Variants in GPC5 observed in about 807,000 individuals in gnomAD.
The protein encoded by GPC5 is glypican 5.
A neutral mutation model predicts 53.9 loss-of-function variants in GPC5; 47 were observed. The ratio of observed to expected loss-of-function variants is 0.87; its 90% CI spans 0.69 to 1.11. The LOEUF (loss-of-function observed/expected upper bound fraction) is 1.11. GPC5 is among the 50% of genes most tolerant of loss of function. The pLI, the probability that GPC5 is intolerant of heterozygous loss-of-function variation, is 0.00. For missense variants in GPC5, 748 were observed against 713.1 expected, an observed-to-expected ratio of 1.05 and a Z score of -0.56; for synonymous variants, 286 against 263.3, an observed-to-expected ratio of 1.09 and a Z score of -0.84.
At chr13:91,913,946 T>C (rs1357453251) in intron 6 of GPC5, among the ~76,000 whole-genome samples, 1 of 152,210 alleles carries the variant, frequency 6.6e-6, no homozygotes, top group Non-Finnish European at 1.5e-5. Context: ...CAATTGCCCT[T>C]TAATATTATA....
intron 7 of GPC5, among the ~76,000 whole-genome samples, chr13:92,855,608 AT>A (rs1177431607): frequency 5.3e-5 from 8 of 150,804 alleles, no homozygotes; most frequent in Non-Finnish European, 1.2e-4. Context: ...GTCTTAAATA[AT>A]TTTTTAGAAT....
intron 7 of GPC5, among the ~76,000 whole-genome samples, chr13:92,317,292 T>A (rs1446249036): frequency 6.6e-6 from 1 of 152,026 alleles, no homozygotes; most frequent in Non-Finnish European, 1.5e-5. Context: ...AGGGTGTTTG[T>A]CATCAGTCTG....
chr13:92,419,334 T>C (rs555942580), intron 7 of GPC5, among the ~76,000 whole-genome samples: 3 of 152,134 alleles, frequency 2.0e-5, no homozygotes, highest in African/African-American at 7.2e-5. Context: ...TCATAGCAAG[T>C]GATTTTTTTC....
intron 2 of GPC5, among the ~76,000 whole-genome samples, chr13:91,613,028 C>A (rs1027612725): frequency 2.6e-5 from 4 of 152,036 alleles, no homozygotes; most frequent in African/African-American, 4.8e-5. Context: ...GAACTTTGGG[C>A]AAATTATTTA....
chr13:92,172,926 A>T (rs934557503), intron 7 of GPC5, among the ~76,000 whole-genome samples: 3 of 149,112 alleles, frequency 2.0e-5, no homozygotes, highest in Admixed American at 6.8e-5. Flanking sequence ...TTTTTTAATT[A>T]AAAAATTTAG....
intron 7 of GPC5, among the ~76,000 whole-genome samples, chr13:92,543,482 A>C (rs904526584): frequency 6.6e-6 from 1 of 152,014 alleles, no homozygotes; most frequent in Non-Finnish European, 1.5e-5. Context: ...TGGGTATCCA[A>C]GGTACTAGTT....
At chr13:91,816,453 C>T (rs2038401746) in intron 5 of GPC5, among the ~76,000 whole-genome samples, 1 of 152,072 alleles carries the variant, frequency 6.6e-6, no homozygotes, top group African/African-American at 2.4e-5. Context: ...TGGGGTCCCT[C>T]ATTGCTGGTT....
chr13:91,971,586 T>G (rs2139091996), intron 6 of GPC5, among the ~76,000 whole-genome samples: 1 of 152,230 alleles, frequency 6.6e-6, no homozygotes, highest in Admixed American at 6.5e-5. Flanking sequence ...CTTTCCTGCT[T>G]TCTCTTGTGG....
At chr13:92,214,185 T>A (rs1484263598) in intron 7 of GPC5, among the ~76,000 whole-genome samples, 1 of 152,176 alleles carries the variant, frequency 6.6e-6, no homozygotes, top group African/African-American at 2.4e-5. Context: ...CAAGGACTGC[T>A]CAAGTATAAA....
chr13:91,593,699 A>G (rs1035839956), intron 2 of GPC5, among the ~76,000 whole-genome samples: 2 of 152,224 alleles, frequency 1.3e-5, no homozygotes, highest in South Asian at 2.1e-4. Context: ...TGATGTGTTC[A>G]TCTATTCCAT....
intron 6 of GPC5, among the ~76,000 whole-genome samples, chr13:92,004,553 GC>G (rs2040589430): frequency 6.9e-6 from 1 of 144,392 alleles, no homozygotes. Flanking sequence ...CTCTATTCAT[GC>G]AATCAGAGTC....
At chr13:91,577,372 T>G (rs2032176056) in intron 2 of GPC5, among the ~76,000 whole-genome samples, 1 of 152,186 alleles carries the variant, frequency 6.6e-6, no homozygotes, top group Admixed American at 6.5e-5. Context: ...GAATTATACA[T>G]TGGTCTTTCC....
intron 7 of GPC5, among the ~76,000 whole-genome samples, chr13:92,793,232 C>A (rs1401493271): frequency 6.6e-6 from 1 of 152,128 alleles, no homozygotes; most frequent in Non-Finnish European, 1.5e-5. Flanking sequence ...TTAAGAAACT[C>A]ACTCAAAACC....
intron 6 of GPC5, among the ~76,000 whole-genome samples, chr13:91,917,154 C>T (rs768673250): frequency 6.6e-6 from 1 of 152,178 alleles, no homozygotes; most frequent in Non-Finnish European, 1.5e-5. Context: ...TTCCTAGATA[C>T]AATGGGGGTA....
rs1282629372 is a variant in GPC5 at position 91,625,237 on chromosome 13, A to C, written c.326-67950A>C. Among the ~76,000 whole-genome samples the C allele has an allele frequency of 5.3e-5, 8 of 151,844 alleles. No individual in the cohort carries two copies. In the East Asian group the frequency reaches 1.4e-3, roughly 26 times the overall value. On this transcript the variant is annotated intron_variant, in intron 2 of 7. Coordinates refer to ENST00000377067, the MANE Select transcript of GPC5 (RefSeq NM_004466.6). ...AACATAAAAAAAAAAAATCAATAAC[A>C]CTCCTACAAGAAGATTTAGGCTACT... is the stretch of plus-strand genomic sequence containing the variant.
intron 7 of GPC5, among the ~76,000 whole-genome samples, chr13:92,176,620 T>C (rs2042110573): frequency 1.3e-5 from 2 of 152,130 alleles, no homozygotes; most frequent in South Asian, 4.1e-4. Context: ...GCTTTTAGAT[T>C]TCTAAGACCT....
At chr13:91,938,595 A>G (rs931978210) in intron 6 of GPC5, among the ~76,000 whole-genome samples, 2 of 152,150 alleles carry the variant, frequency 1.3e-5, no homozygotes, top group Admixed American at 1.3e-4. Context: ...GCCACTGCCT[A>G]CTGGCCAATG....
intron 6 of GPC5, among the ~76,000 whole-genome samples, chr13:92,011,799 TTTAA>T (rs1441161487): frequency 6.6e-6 from 1 of 151,856 alleles, no homozygotes; most frequent in Non-Finnish European, 1.5e-5. Context: ...TATTACTATC[TTTAA>T]TTAGTCTACT....
chr13:92,685,559 A>AATTTTTTTTTTTTTT (rs1887243705), intron 7 of GPC5, among the ~76,000 whole-genome samples: 2 of 104,572 alleles, frequency 1.9e-5, no homozygotes, highest in South Asian at 3.7e-4. Flanking sequence ...TTTTTTTTTT[A>AATTTTTTTTTTTTTT]ATTTTTTTTT....
Sources: allele counts gnomAD v4.1 joint callset (sites outside exome capture counted in the v4.1 genomes callset), GRCh38; gene constraint gnomAD v4.1.1; transcripts MANE v1.5; gene names NCBI Gene and HGNC (gene_info 2026-07-23, HGNC 2026-07-21).